The following CNIH3 variants were observed in gnomAD, a reference collection of about 807,000 sequenced individuals.
CNIH3 encodes protein cornichon homolog 3.
Under a neutral mutation model 24.1 loss-of-function variants are expected in CNIH3, and 14 were observed. The observed-to-expected ratio is 0.58, with a 90% CI of 0.38 to 0.91. The LOEUF is 0.91. Ranked by LOEUF, CNIH3 falls within the 40% of genes least tolerant of loss-of-function variation. The pLI is 0.00. For missense variants in CNIH3, 178 were observed against 196.8 expected, an observed-to-expected ratio of 0.90 and a Z score of 0.57; for synonymous variants, 68 against 73.8, an observed-to-expected ratio of 0.92 and a Z score of 0.40.
intron 1 of CNIH3, among the ~76,000 whole-genome samples, chr1:224,519,249 G>C (rs1678523581): frequency 6.6e-6 from 1 of 152,212 alleles, no homozygotes. Context: ...AGTCATGGCA[G>C]AAGGGCCTGA....
chr1:224,670,783 C>T (rs191626505), intron 1 of CNIH3, among the ~76,000 whole-genome samples: 10 of 152,336 alleles, frequency 6.6e-5, no homozygotes, highest in Admixed American at 6.5e-4. Context: ...CTGGCCAGGG[C>T]CCAGCCTGGA....
In CNIH3 at chr1:224,604,953, A is replaced by G. The variant is rs943151848; in HGVS notation, n.402+38689A>G. On this transcript the variant is annotated intron_variant and non_coding_transcript_variant, in intron 3 of 7. Coordinates refer to the CNIH3 transcript ENST00000478120. The surrounding 1 kb of genome is among the most constrained non-coding windows in gnomAD (Gnocchi z 4.4). Reference sequence around the variant, plus strand: ...CATGGGGTTGGTCCTGCTACCTGAAAGCAGGAAAGTTCCCTGTGTGGTTGG... The same window carrying G: ...CATGGGGTTGGTCCTGCTACCTGAAGGCAGGAAAGTTCCCTGTGTGGTTGG... Among the ~76,000 whole-genome samples the G allele has an allele frequency of 2.0e-5, 3 of 152,176 alleles. No individual in the cohort carries two copies. Among genetic ancestry groups the G allele is most frequent in the Non-Finnish European group, 4.4e-5 (3 of 68,032 alleles).
chr1:224,512,605 T>C (rs1307160453), upstream of CNIH3, among the ~76,000 whole-genome samples: 1 of 152,262 alleles, frequency 6.6e-6, no homozygotes. Flanking sequence ...CATTTAAAAG[T>C]ATTTTTATCT....
chr1:224,555,450 T>TA (rs903702572), intron 3 of CNIH3, among the ~76,000 whole-genome samples: 338 of 152,002 alleles, frequency 2.2e-3, no homozygotes, highest in African/African-American at 7.8e-3. Flanking sequence ...ACCTGCACAA[T>TA]AAAAAAAATA....
intron 3 of CNIH3, among the ~76,000 whole-genome samples, chr1:224,607,856 G>A (rs1682498917): frequency 6.6e-6 from 1 of 152,326 alleles, no homozygotes; most frequent in African/African-American, 2.4e-5. Context: ...GTGTGACCCA[G>A]TTCCCACTGA....
At chr1:224,608,135 C>T (rs561545398) in intron 3 of CNIH3, among the ~76,000 whole-genome samples, 2 of 152,094 alleles carry the variant, frequency 1.3e-5, no homozygotes, top group Admixed American at 6.5e-5. Context: ...CAGGAGAGAA[C>T]GTTTATTAAA....
chr1:224,669,537 A>G (rs1685760029), intron 1 of CNIH3, among the ~76,000 whole-genome samples: 1 of 151,878 alleles, frequency 6.6e-6, no homozygotes, highest in African/African-American at 2.4e-5. Flanking sequence ...TACACCCTCT[A>G]CCCCAGCTTT....
intron 1 of CNIH3, among the ~76,000 whole-genome samples, chr1:224,634,683 C>T (rs1474203603): frequency 6.6e-6 from 1 of 152,186 alleles, no homozygotes; most frequent in Non-Finnish European, 1.5e-5. Context: ...CTCTTCCTTT[C>T]CTTTTCTTCT....
At chr1:224,671,011 A>G (rs1685838105) in intron 1 of CNIH3, among the ~76,000 whole-genome samples, 1 of 152,208 alleles carries the variant, frequency 6.6e-6, no homozygotes, top group Admixed American at 6.5e-5. Flanking sequence ...AGAACAAAAG[A>G]CCAACTTCCT....
At chr1:224,676,330 T>A (rs577774683) in intron 1 of CNIH3, among the ~76,000 whole-genome samples, 1 of 152,226 alleles carries the variant, frequency 6.6e-6, no homozygotes, top group South Asian at 2.1e-4. Context: ...AGATTAGTGG[T>A]TGCTGGGCAG....
In CNIH3 at chr1:224,684,787, T is replaced by C. The variant is rs1482415058; in HGVS notation, c.151-9T>C. The C allele has an allele frequency of 6.2e-7, 1 of 1,613,702 alleles. No homozygotes were observed. Reference sequence around the variant, plus strand: ...TCCCCTCTCATTTCTTTCTTGTGCATCCTGATAGAGGGAACGGTTGAGGAA... The same window carrying C: ...TCCCCTCTCATTTCTTTCTTGTGCACCCTGATAGAGGGAACGGTTGAGGAA... On this transcript the variant is annotated splice_polypyrimidine_tract_variant and intron_variant, in intron 2 of 5. Coordinates refer to ENST00000272133, the MANE Select transcript of CNIH3 (RefSeq NM_152495.2). The surrounding 1 kb of genome is among the most constrained non-coding windows in gnomAD (Gnocchi z 4.2).
At chr1:224,638,700 A>G (rs1013497502) in intron 1 of CNIH3, among the ~76,000 whole-genome samples, 1 of 152,196 alleles carries the variant, frequency 6.6e-6, no homozygotes, top group Non-Finnish European at 1.5e-5. Flanking sequence ...ACATGCAGGT[A>G]GCATTAGGAA....
At position 224,546,539 on chromosome 1, in the gene CNIH3, G is replaced by C. The variant is rs712091; in HGVS notation, n.340-290G>C. The stretch of plus-strand genomic sequence containing the variant: ...GAGGAGAGGTCACAGAGGTGTGGTG[G>C]AGCTGGAGTCTCATGCCTTGGTGAG... On this transcript the variant is annotated intron_variant and non_coding_transcript_variant, in intron 2 of 5. Coordinates refer to the CNIH3 transcript ENST00000471578. 6.7e-3 allele frequency among the ~76,000 whole-genome samples: 1,017 copies of C among 152,258 alleles called. 11 individuals are homozygous for C. The highest frequency in any genetic ancestry group is 0.023 in the African/African-American group (953 of 41,534).
chr1:224,581,305 A>G (rs181454406), intron 4 of CNIH3, among the ~76,000 whole-genome samples: 1 of 152,230 alleles, frequency 6.6e-6, no homozygotes, highest in Admixed American at 6.5e-5. Flanking sequence ...TCCATCTTTA[A>G]CCAGAACCCT....
chr1:224,616,346 G>A lies in CNIH3; in HGVS notation c.-829G>A, dbSNP rs1394120043. Reference sequence around the variant, plus strand: ...TGGCAAAGGCGGCGGCGGCGGCGGCGGCAGCGGCAGCAGCAGGTGGAGCGA... The same window carrying A: ...TGGCAAAGGCGGCGGCGGCGGCGGCAGCAGCGGCAGCAGCAGGTGGAGCGA... On this transcript the variant is annotated 5_prime_UTR_variant, in exon 1 of 6. Coordinates refer to ENST00000272133, the MANE Select transcript of CNIH3 (RefSeq NM_152495.2). The A allele has an allele frequency of 3.9e-5, 20 of 513,122 alleles. No homozygotes were observed. The highest frequency in any genetic ancestry group is 2.0e-4 in the South Asian group (5 of 25,640). The allele number at this position is 513,122 out of a possible 1,614,324, so 31.8% of individuals were successfully genotyped here. A position where few individuals can be genotyped will look rare whatever the true frequency, so the allele number is the denominator to read the frequency against.
downstream of CNIH3, chr1:224,588,622 A>G (rs1681611803): frequency 6.6e-6 from 1 of 152,098 alleles, no homozygotes; most frequent in Non-Finnish European, 1.5e-5. Context: ...AAAAACAAGC[A>G]TTTAAACTCC....
chr1:224,604,659 A>T lies in CNIH3; in HGVS notation n.402+38395A>T, dbSNP rs1407191431. 6.6e-6 allele frequency among the ~76,000 whole-genome samples: 1 copy of T among 152,092 alleles called. No individual in the cohort carries two copies. Among genetic ancestry groups the T allele is most frequent in the Non-Finnish European group, 1.5e-5 (1 of 68,020 alleles). The stretch of plus-strand genomic sequence containing the variant: ...AAGGCCAGAGGTGAAAGGAACAAGG[A>T]CCAGTCCAGCTGGTGAAACTGATGT... On this transcript the variant is annotated intron_variant and non_coding_transcript_variant, in intron 3 of 7. Transcript: ENST00000478120. This position sits in a 1 kb window ranked among gnomAD's most constrained non-coding sequence, Gnocchi z 4.4.
chr1:224,529,604 G>A (rs1258222671), intron 2 of CNIH3, among the ~76,000 whole-genome samples: 2 of 152,196 alleles, frequency 1.3e-5, no homozygotes, highest in African/African-American at 4.8e-5. Flanking sequence ...CACAACCCTA[G>A]TGAACTTATG....
intron 4 of CNIH3, among the ~76,000 whole-genome samples, chr1:224,566,809 A>T (rs1680600784): frequency 6.6e-6 from 1 of 152,160 alleles, no homozygotes; most frequent in South Asian, 2.1e-4. Flanking sequence ...TGCTATTGTG[A>T]ATAGTGGCAC....
Sources: gnomAD v4.1 joint callset for allele counts (sites outside exome capture counted in the v4.1 genomes callset) on GRCh38, gnomAD v4.1.1 for gene constraint, Gnocchi (gnomAD v3.1) non-coding constraint, MANE v1.5 for transcripts, NCBI Gene and HGNC (gene_info 2026-07-23, HGNC 2026-07-21) for gene names.